The following WDR72 variants were observed in gnomAD, a reference collection of about 807,000 sequenced individuals.
The protein encoded by WDR72 is WD repeat domain 72.
A neutral mutation model predicts 124.2 loss-of-function variants in WDR72; 120 were observed. The ratio of observed to expected loss-of-function variants is 0.97; its 90% CI spans 0.83 to 1.12. The LOEUF is 1.12. WDR72 is among the 50% of genes most tolerant of loss of function. The pLI is 0.00. For missense variants in WDR72, 1,387 were observed against 1,278.8 expected, an observed-to-expected ratio of 1.08 and a Z score of -1.29; for synonymous variants, 452 against 441.7, an observed-to-expected ratio of 1.02 and a Z score of -0.29.
At chr15:53,740,804 G>T (rs1266627051) in intron 1 of WDR72, among the ~76,000 whole-genome samples, 9 of 152,108 alleles carry the variant, frequency 5.9e-5, no homozygotes, top group African/African-American at 2.2e-4. Context: ...AATCAGGCTA[G>T]ACTTAAATTT....
intron 18 of WDR72, among the ~76,000 whole-genome samples, chr15:53,578,842 C>T (rs2011761961): frequency 6.6e-6 from 1 of 152,102 alleles, no homozygotes; most frequent in South Asian, 2.1e-4. Context: ...TTGATAAAGA[C>T]AGAATGTCAA....
chr15:53,562,178 A>T (rs1455903485), intron 18 of WDR72, among the ~76,000 whole-genome samples: 1 of 151,844 alleles, frequency 6.6e-6, no homozygotes, highest in Non-Finnish European at 1.5e-5. Flanking sequence ...ATAGTCCTTA[A>T]TTAGTAGTAG....
intron 18 of WDR72, among the ~76,000 whole-genome samples, chr15:53,565,264 A>T (rs376167944): frequency 3.4e-4 from 52 of 152,054 alleles, no homozygotes; most frequent in African/African-American, 1.2e-3. Flanking sequence ...CAGTTTAAGA[A>T]GTTGAAAGGA....
rs67413847 is a variant in WDR72 at position 53,555,212 on chromosome 15, T to TAAA, written c.3149-31893_3149-31891dup. On this transcript the variant is annotated intron_variant, in intron 18 of 19. Coordinates refer to ENST00000360509, the MANE Select transcript of WDR72 (RefSeq NM_182758.4). ...TTCTACAATGTGAAGCCATTTAAGA[T>TAAA]AAAAAAAAAAGGCAGGAAGTGTAAG... Among the ~76,000 whole-genome samples, 1,158 of 148,532 alleles carry TAAA rather than the reference T, an allele frequency of 7.8e-3. 16 individuals are homozygous for TAAA. Among genetic ancestry groups the TAAA allele is most frequent in the African/African-American group, 0.026 (1,058 of 40,334 alleles).
Position 53,706,082 on chromosome 15 carries a change from A to T in WDR72, c.955-8T>A. Reference sequence around the variant, plus strand: ...AAAGGGACGGCTCTGTTCCTAAACAAAAAGTGAGCTTTTATGTAGGAAATA... The same window carrying T: ...AAAGGGACGGCTCTGTTCCTAAACATAAAGTGAGCTTTTATGTAGGAAATA... On this transcript the variant is annotated splice_region_variant and splice_polypyrimidine_tract_variant and intron_variant, in intron 9 of 19. Transcript: ENST00000360509. 1 of 1,613,856 alleles carries T rather than the reference A, an allele frequency of 6.2e-7. No homozygotes were observed. The highest frequency in any genetic ancestry group is 8.5e-7 in the Non-Finnish European group (1 of 1,179,956).
chr15:53,587,624 T>C (rs2012283526), intron 18 of WDR72, among the ~76,000 whole-genome samples: 1 of 152,056 alleles, frequency 6.6e-6, no homozygotes, highest in Non-Finnish European at 1.5e-5. Flanking sequence ...CATTACAAAA[T>C]ATTGGCTAGG....
intron 14 of WDR72, among the ~76,000 whole-genome samples, chr15:53,635,123 T>C (rs1010668580): frequency 2.0e-5 from 3 of 152,230 alleles, no homozygotes; most frequent in East Asian, 1.9e-4. Context: ...TTTAACTTCT[T>C]TCCTCCCTAC....
intron 1 of WDR72, among the ~76,000 whole-genome samples, chr15:53,753,357 T>C (rs944846448): frequency 1.3e-5 from 2 of 152,228 alleles, no homozygotes; most frequent in African/African-American, 4.8e-5. Flanking sequence ...GTTTTCTGAC[T>C]CTGTCCTAGC....
chr15:53,532,733 TTAACAA>T (rs1457728317), intron 18 of WDR72, among the ~76,000 whole-genome samples: 3 of 151,996 alleles, frequency 2.0e-5, no homozygotes, highest in Non-Finnish European at 2.9e-5. Flanking sequence ...TAGACTATAG[TTAACAA>T]TAACTTATTG....
intron 14 of WDR72, among the ~76,000 whole-genome samples, chr15:53,643,639 G>A (rs146858642): frequency 1.8e-4 from 28 of 152,062 alleles, no homozygotes; most frequent in African/African-American, 6.5e-4. Flanking sequence ...GCCTGAATCT[G>A]GTCTTTTCTA....
chr15:53,602,712 T>C (rs1486146017), intron 17 of WDR72, among the ~76,000 whole-genome samples: 1 of 152,026 alleles, frequency 6.6e-6, no homozygotes, highest in Admixed American at 6.6e-5. Context: ...TAGTAATATA[T>C]ACACGTGACC....
At chr15:53,730,231 C>T (rs998720857) in intron 2 of WDR72, among the ~76,000 whole-genome samples, 1 of 152,056 alleles carries the variant, frequency 6.6e-6, no homozygotes, top group Non-Finnish European at 1.5e-5. Context: ...ATGAATGAAC[C>T]TTGAAGACAT....
chr15:53,647,702 C>A (rs1443081400), intron 14 of WDR72, among the ~76,000 whole-genome samples: 1 of 152,094 alleles, frequency 6.6e-6, no homozygotes, highest in African/African-American at 2.4e-5. Context: ...CAGGTTGGTA[C>A]ATTGAGTGAA....
intron 9 of WDR72, among the ~76,000 whole-genome samples, chr15:53,708,431 T>G (rs1384490063): frequency 6.6e-6 from 1 of 152,176 alleles, no homozygotes; most frequent in Admixed American, 6.5e-5. Flanking sequence ...AAAGATAAGG[T>G]GCACAGGATG....
intron 18 of WDR72, among the ~76,000 whole-genome samples, chr15:53,540,198 CAT>C (rs1893003500): frequency 6.6e-6 from 1 of 152,076 alleles, no homozygotes; most frequent in African/African-American, 2.4e-5. Flanking sequence ...ATATAAGACA[CAT>C]AATGGGGACG....
At chr15:53,576,019 A>C (rs1270517267) in intron 18 of WDR72, among the ~76,000 whole-genome samples, 2 of 152,248 alleles carry the variant, frequency 1.3e-5, no homozygotes, top group East Asian at 1.9e-4. Context: ...CCCAAATTAT[A>C]AATCTGAAAA....
At chr15:53,572,900 C>A (rs1894599811) in intron 18 of WDR72, among the ~76,000 whole-genome samples, 1 of 152,164 alleles carries the variant, frequency 6.6e-6, no homozygotes, top group Admixed American at 6.5e-5. Flanking sequence ...CCTTTCATCA[C>A]AAATATAAGT....
At chr15:53,532,165 G>T (rs868431267) in intron 18 of WDR72, among the ~76,000 whole-genome samples, 2 of 152,108 alleles carry the variant, frequency 1.3e-5, no homozygotes, top group Non-Finnish European at 2.9e-5. Context: ...AGGATGTGGA[G>T]AAAGGAGAAC....
chr15:53,599,576 T>G lies in WDR72; in HGVS notation c.2953-2302A>C, dbSNP rs1325782930. On this transcript the variant is annotated intron_variant, in intron 17 of 19. Transcript: ENST00000360509. ...TTCTATACTCATAAATTAAGGATAT[T>G]GGAGGATATCCTAAGACCCACAATG... Among the ~76,000 whole-genome samples, 3 of 152,100 alleles carry G rather than the reference T, an allele frequency of 2.0e-5. No homozygotes were observed. In the East Asian group the frequency reaches 5.8e-4, roughly 29 times the overall value.
Sources: gnomAD v4.1 joint callset for allele counts (sites outside exome capture counted in the v4.1 genomes callset) on GRCh38, gnomAD v4.1.1 for gene constraint, MANE v1.5 for transcripts, NCBI Gene and HGNC (gene_info 2026-07-23, HGNC 2026-07-21) for gene names.